SLC13A2: variants seen among roughly 807,000 people sequenced by gnomAD.
The protein encoded by SLC13A2 is solute carrier family 13 member 2.
SLC13A2 carries 40 observed loss-of-function variants against 58.5 expected under a neutral mutation model. The observed-to-expected ratio is 0.68, with a 90% CI of 0.53 to 0.89. SLC13A2 has a LOEUF of 0.89. SLC13A2 is among the 40% of genes least tolerant of loss of function. The pLI is 0.00. For synonymous variants in SLC13A2, 341 were observed against 331.6 expected (o/e 1.03, Z -0.31); for missense variants, 694 against 772.6 (o/e 0.90, Z 1.21).
Position 28,494,280 on chromosome 17 carries a change from C to T in SLC13A2, c.1187-111C>T. On this transcript the variant is annotated intron_variant, in intron 8 of 11. Transcript: ENST00000314669. The surrounding 1 kb of genome is among the most constrained non-coding windows in gnomAD (Gnocchi z 4.0). ...TGAGATGTTGCAGAACTGAGGGTCCCCTCCTGCACGCGTTAAGCTCCAAAA... is the reference window on the plus strand; with the variant it reads ...TGAGATGTTGCAGAACTGAGGGTCCTCTCCTGCACGCGTTAAGCTCCAAAA... 3 of 1,584,398 alleles carry T rather than the reference C, an allele frequency of 1.9e-6. No individual in the cohort carries two copies. Among genetic ancestry groups the T allele is most frequent in the Non-Finnish European group, 2.6e-6 (3 of 1,154,962 alleles).
In SLC13A2 at chr17:28,490,512, C is replaced by T. The variant is rs143620498; in HGVS notation, c.290C>T (p.Ala97Val). Residue 97 changes from alanine to valine, a missense_variant, in exon 3 of 12, where the codon GCC becomes GTC. Ala to Val is a moderately conservative substitution (Grantham distance 64). Coordinates refer to ENST00000314669, the MANE Select transcript of SLC13A2 (RefSeq NM_003984.4). The stretch of plus-strand genomic sequence containing the variant: ...CTGTTCTTCGGGGGGCTGCTGGTGG[C>T]CATCGCGGTGGAACACTGGAACCTG... Reference protein sequence around the residue: ...NLLFFGGLLVAIAVEHWNLHK... With the variant: ...NLLFFGGLLVVIAVEHWNLHK... The T allele has an allele frequency of 6.2e-7, 1 of 1,614,148 alleles. No homozygotes were observed. The highest frequency in any genetic ancestry group is 8.5e-7 in the Non-Finnish European group (1 of 1,180,024).
At position 28,489,356 on chromosome 17, in the gene SLC13A2, A is replaced by ATAG. The variant is rs1265586646; in HGVS notation, c.231+15_231+17dup. 1 of 1,610,484 alleles carries ATAG rather than the reference A, an allele frequency of 6.2e-7. No homozygotes were observed. The highest frequency in any genetic ancestry group is 2.2e-5 in the East Asian group (1 of 44,780). On this transcript the variant is annotated intron_variant, in intron 2 of 11. Transcript: ENST00000314669. ...GATGCCTCTGAGGTGAGCCCCATCC[A>ATAG]TAGGAGAAAGCGTTCTGGGCAGTGC...
chr17:28,497,300 G>T lies in SLC13A2; in HGVS notation c.*31G>T. On this transcript the variant is annotated 3_prime_UTR_variant, in exon 12 of 12. Transcript: ENST00000314669. ...GGCACAGCCTGGCCATGCCCAGGAA[G>T]ACCCACCCCATTCCCACTCCTCTGA... 6.3e-7 allele frequency: 1 copy of T among 1,593,132 alleles called. No homozygotes were observed.
rs781887649 is a variant in SLC13A2 at position 28,496,525 on chromosome 17, C to T, written c.1546C>T (p.Pro516Ser). The change falls in exon 11 of 12, where the codon CCT (proline) becomes TCT (serine). Residue 516 changes from proline (P) to serine (S), a missense_variant. Transcript: ENST00000314669. The surrounding 1 kb of genome is among the most constrained non-coding windows in gnomAD (Gnocchi z 4.2). ...TLATSLAFML[P>S]VATPPNAIVF... is the part of the protein sequence containing the mutation. ...GGCCACCTCCCTGGCCTTCATGTTG[C>T]CTGTGGCCACCCCGCCCAATGCCAT... is the stretch of plus-strand genomic sequence containing the variant. 1.2e-6 allele frequency: 2 copies of T among 1,613,870 alleles called. No homozygotes were observed. Among genetic ancestry groups the T allele is most frequent in the Admixed American group, 1.7e-5 (1 of 59,992 alleles).
chr17:28,491,985 G>T (rs929168278), intron 6 of SLC13A2, 133 bp downstream of exon 6: 1 of 1,310,256 alleles, frequency 7.6e-7, no homozygotes, highest in East Asian at 2.4e-5. Flanking sequence ...AAGCCCCTCT[G>T]TGCACTTGGA....
chr17:28,485,676 C>T (rs570521403), intron 1 of SLC13A2, among the ~76,000 whole-genome samples: 1 of 152,208 alleles, frequency 6.6e-6, no homozygotes, highest in Admixed American at 6.5e-5. Context: ...TGGTTCTGCC[C>T]TTTTCAGAAA....
intron 1 of SLC13A2, among the ~76,000 whole-genome samples, chr17:28,487,200 T>C (rs562951488): frequency 6.6e-6 from 1 of 152,084 alleles, no homozygotes; most frequent in South Asian, 2.1e-4. Flanking sequence ...CTGGGGAAGA[T>C]AGCTCTGGAT....
chr17:28,494,224 T>A lies in SLC13A2; in HGVS notation c.1186+119T>A. 6.7e-7 allele frequency: 1 copy of A among 1,483,602 alleles called. No individual in the cohort carries two copies. The highest frequency in any genetic ancestry group is 2.3e-5 in the East Asian group (1 of 43,712). The allele number at this position is 1,483,602 out of a possible 1,614,324, so 91.9% of individuals were successfully genotyped here. On this transcript the variant is annotated intron_variant, in intron 8 of 11. Transcript: ENST00000314669. The surrounding 1 kb of genome is among the most constrained non-coding windows in gnomAD (Gnocchi z 4.0). ...AAAGCCCAGAAAGGCTGGAGCGACT[T>A]GCCAAGGGCACAGGGACTCGGAGAC... is the stretch of plus-strand genomic sequence containing the variant.
chr17:28,489,950 A>G (rs1244218758), intron 2 of SLC13A2, among the ~76,000 whole-genome samples: 2 of 152,216 alleles, frequency 1.3e-5, no homozygotes. Flanking sequence ...GAGTTTGACA[A>G]GAAGAGGGGA....
At position 28,491,594 on chromosome 17, in the gene SLC13A2, G is replaced by C; in HGVS notation, c.732G>C (p.Leu244=). The change falls in exon 5 of 12, where the codon CTG becomes CTC. Residue 244 remains leucine, a synonymous_variant. Coordinates refer to ENST00000314669, the MANE Select transcript of SLC13A2 (RefSeq NM_003984.4). ...IATLTGTAPN[L]VLQGQINSLF... The stretch of plus-strand genomic sequence containing the variant: ...CGCTGACTGGCACCGCACCCAACCT[G>C]GTGCTGCAAGGCCAGATCAACTCGT... The C allele has an allele frequency of 6.2e-7, 1 of 1,613,378 alleles. No homozygotes were observed. The highest frequency in any genetic ancestry group is 8.5e-7 in the Non-Finnish European group (1 of 1,179,962).
Position 28,494,092 on chromosome 17 carries a change from G to A in SLC13A2, c.1173G>A (p.Leu391=). Residue 391 remains leucine (L), a synonymous_variant, in exon 8 of 12, where the codon CTG becomes CTA. Coordinates refer to ENST00000314669, the MANE Select transcript of SLC13A2 (RefSeq NM_003984.4). This position sits in a 1 kb window ranked among gnomAD's most constrained non-coding sequence, Gnocchi z 4.0. ...TCATACCCTCCAAGTTCCCAGGGCT[G>A]ACCCAGGACCCAGGTAAGCACCTGG... The part of the protein sequence containing the change: ...MFIIPSKFPG[L]TQDPENPGKL... 2 of 1,614,056 alleles carry A rather than the reference G, an allele frequency of 1.2e-6. No homozygotes were observed. The highest frequency in any genetic ancestry group is 1.7e-6 in the Non-Finnish European group (2 of 1,179,954).
Position 28,496,399 on chromosome 17 carries a change from C to T in SLC13A2, c.1471-51C>T, listed in dbSNP as rs2151465358. The T allele has an allele frequency of 6.5e-7, 1 of 1,548,676 alleles. No individual in the cohort carries two copies. Among genetic ancestry groups the T allele is most frequent in the Non-Finnish European group, 8.7e-7 (1 of 1,143,118 alleles). Reference sequence around the variant, plus strand: ...AGGAGAATTGGGGGCCATGCCCCTCCCTCTGGCTTGGGGACCAAGTTCAGC... The same window carrying T: ...AGGAGAATTGGGGGCCATGCCCCTCTCTCTGGCTTGGGGACCAAGTTCAGC... On this transcript the variant is annotated intron_variant, in intron 10 of 11. Coordinates refer to ENST00000314669, the MANE Select transcript of SLC13A2 (RefSeq NM_003984.4). The surrounding 1 kb of genome is among the most constrained non-coding windows in gnomAD (Gnocchi z 4.2).
Position 28,497,478 on chromosome 17 carries a change from G to A in SLC13A2, c.*209G>A, listed in dbSNP as rs1458230780. The stretch of plus-strand genomic sequence containing the variant: ...AAAAGGTGTGTGCATGTGTGTGTGC[G>A]CATATGTGTGCGCCTGCATGGATGT... On this transcript the variant is annotated 3_prime_UTR_variant, in exon 12 of 12. Coordinates refer to ENST00000314669, the MANE Select transcript of SLC13A2 (RefSeq NM_003984.4). 5.6e-5 allele frequency: 33 copies of A among 594,298 alleles called. No homozygotes were observed. The highest frequency in any genetic ancestry group is 3.9e-4 in the East Asian group (14 of 35,852). 36.8% of individuals were successfully genotyped at this position (594,298 alleles called of 1,614,324 possible). A position where few individuals can be genotyped will look rare whatever the true frequency, so the allele number is the denominator to read the frequency against.
In SLC13A2 at chr17:28,494,566, G is replaced by A. The variant is rs1338279386; in HGVS notation, c.1308+54G>A. The stretch of plus-strand genomic sequence containing the variant: ...CTGTGTGAGGGTGTCTCTGTGGCAG[G>A]GAGAGAGGGGGCCCTGCTTCTGTCC... On this transcript the variant is annotated intron_variant, in intron 9 of 11. Transcript: ENST00000314669. The surrounding 1 kb of genome is among the most constrained non-coding windows in gnomAD (Gnocchi z 4.0). 4.1e-5 allele frequency: 66 copies of A among 1,608,600 alleles called. No individual in the cohort carries two copies. The highest frequency in any genetic ancestry group is 5.4e-5 in the Non-Finnish European group (63 of 1,177,424).
rs782390889 is a variant in SLC13A2, at chr17:28,493,728, C to G, written c.1036C>G (p.Arg346Gly). The G allele has an allele frequency of 1.2e-6, 2 of 1,614,092 alleles. No individual in the cohort carries two copies. Among genetic ancestry groups the G allele is most frequent in the Admixed American group, 3.3e-5 (2 of 60,008 alleles). ...FVILVLLWFT[R>G]EPGFFLGWGN... ...CATCCTGGTGCTGCTCTGGTTCACC[C>G]GGGAGCCGGGCTTTTTTCTTGGCTG... Residue 346 changes from arginine (R) to glycine (G), a missense_variant, in exon 7 of 12, where the codon CGG becomes GGG. Physicochemically the swap from Arg to Gly is moderately radical, Grantham distance 125. Transcript: ENST00000314669.
At chr17:28,482,494 C>G (rs2068802486) in intron 1 of SLC13A2, among the ~76,000 whole-genome samples, 2 of 152,174 alleles carry the variant, frequency 1.3e-5, no homozygotes, top group Non-Finnish European at 2.9e-5. Context: ...GTACAAACCC[C>G]TACATCAGAA....
intron 1 of SLC13A2, among the ~76,000 whole-genome samples, chr17:28,479,136 C>G (rs1346259189): frequency 1.3e-5 from 2 of 152,022 alleles, no homozygotes; most frequent in East Asian, 3.9e-4. Flanking sequence ...ATCACTTGAG[C>G]CCAGGAGGTT....
chr17:28,477,414 T>G (rs185946449), intron 1 of SLC13A2, among the ~76,000 whole-genome samples: 1 of 151,808 alleles, frequency 6.6e-6, no homozygotes, highest in African/African-American at 2.4e-5. Context: ...CAGGATGGTC[T>G]TGATCTCCTG....
At chr17:28,485,256 T>C (rs914873512) in intron 1 of SLC13A2, among the ~76,000 whole-genome samples, 9 of 152,140 alleles carry the variant, frequency 5.9e-5, no homozygotes, top group Non-Finnish European at 1.2e-4. Context: ...GGCCATGCCT[T>C]GCACAACTCC....
Sources: allele counts gnomAD v4.1 joint callset (sites outside exome capture counted in the v4.1 genomes callset), GRCh38; gene constraint gnomAD v4.1.1; non-coding constraint Gnocchi (gnomAD v3.1); transcripts MANE v1.5; gene names NCBI Gene and HGNC (gene_info 2026-07-23, HGNC 2026-07-21).